The following COPE variants were observed in gnomAD, a reference collection of about 807,000 sequenced individuals.
The protein encoded by COPE is coat protein complex I subunit epsilon, also known as coatomer subunit epsilon.
COPE carries 19 observed loss-of-function variants against 42.1 expected under a neutral mutation model. The ratio of observed to expected loss-of-function variants is 0.45; its 90% confidence interval spans 0.31 to 0.66. The LOEUF is 0.66. Ranked by LOEUF, COPE falls within the 30% of genes least tolerant of loss-of-function variation. The pLI, the probability that COPE is intolerant of heterozygous loss-of-function variation, is 0.05. For missense variants in COPE, 402 were observed against 416.1 expected, an observed-to-expected ratio of 0.97 and a Z score of 0.30; for synonymous variants, 195 against 181.3, an observed-to-expected ratio of 1.08 and a Z score of -0.60.
chr19:18,900,476 G>T, intron 7 of COPE, 27 bp from the exon 8 acceptor site: 1 of 1,534,652 alleles, frequency 6.5e-7, no homozygotes. Context: ...ACACGGGGAG[G>T]CAGGGTCAGC....
intron 6 of COPE, among the ~76,000 whole-genome samples, chr19:18,903,999 CTT>C (rs954828441): frequency 6.6e-6 from 1 of 152,176 alleles, no homozygotes; most frequent in Non-Finnish European, 1.5e-5. Flanking sequence ...GAGTTTCACT[CTT>C]GTTGCTCAGG....
intron 1 of COPE, among the ~76,000 whole-genome samples, chr19:18,916,447 A>G (rs1263713537): frequency 6.6e-6 from 1 of 152,072 alleles, no homozygotes; most frequent in East Asian, 1.9e-4. Flanking sequence ...TGAGGTCAAG[A>G]GTTCGAGATC....
chr19:18,905,425 G>A (rs968326346), intron 5 of COPE, 151 bp downstream of exon 5: 8 of 734,528 alleles, frequency 1.1e-5, no homozygotes, highest in Non-Finnish European at 1.7e-5. Flanking sequence ...ACATACTGCA[G>A]GGAAGGGCTG....
intron 1 of COPE, among the ~76,000 whole-genome samples, chr19:18,913,363 T>C (rs1018226477): frequency 6.6e-6 from 1 of 152,236 alleles, no homozygotes; most frequent in Admixed American, 6.5e-5. Flanking sequence ...ATGGGGCCAC[T>C]GTGGCTTGAT....
intron 7 of COPE, among the ~76,000 whole-genome samples, chr19:18,902,329 T>C (rs907035807): frequency 2.7e-5 from 4 of 150,254 alleles, no homozygotes; most frequent in Admixed American, 2.7e-4. Flanking sequence ...CTTTACAAAA[T>C]ATATATATAT....
chr19:18,915,105 G>T (rs538267067), intron 1 of COPE, among the ~76,000 whole-genome samples: 12 of 152,194 alleles, frequency 7.9e-5, no homozygotes, highest in Non-Finnish European at 1.3e-4. Context: ...CGACTCAGGA[G>T]GTTCATGAAG....
intron 3 of COPE, among the ~76,000 whole-genome samples, chr19:18,909,196 A>G (rs894523631): frequency 4.0e-5 from 6 of 151,884 alleles, no homozygotes; most frequent in African/African-American, 1.5e-4. Flanking sequence ...CCCTGCCTTC[A>G]CTCCAGCTGG....
intron 4 of COPE, 29 bp from the exon 5 acceptor site, chr19:18,905,658 C>T (rs543568707): frequency 8.9e-6 from 14 of 1,579,684 alleles, no homozygotes; most frequent in Middle Eastern, 1.7e-4. Flanking sequence ...GGGCGGTCAG[C>T]GGGTCGCCAC....
chr19:18,900,263 C>T (rs1012241426), intron 8 of COPE, 118 bp downstream of exon 8: 29 of 831,186 alleles, frequency 3.5e-5, no homozygotes, highest in Middle Eastern at 2.3e-4. Context: ...AGGTGGGCTG[C>T]GGTAGGCATA....
At chr19:18,902,883 G>A (rs979115908) in intron 7 of COPE, among the ~76,000 whole-genome samples, 9 of 151,278 alleles carry the variant, frequency 5.9e-5, no homozygotes, top group Non-Finnish European at 1.0e-4. Flanking sequence ...GGCAGGCAGC[G>A]CTCTCTCAAC....
At chr19:18,903,497 CG>C (rs1487059392) in intron 6 of COPE, 74 bp from the exon 7 acceptor site, 20 of 1,498,278 alleles carry the variant, frequency 1.3e-5, no homozygotes, top group Middle Eastern at 1.8e-4. Context: ...CCTCCCCTAG[CG>C]GGGGGGACTC....
Position 18,910,999 on chromosome 19 carries a change from C to T in COPE, c.262G>A (p.Ala88Thr). Residue 88 changes from alanine (A) to threonine (T), a missense_variant, in exon 3 of 10, where the codon GCT becomes ACT. By Grantham distance (58) the Ala-to-Thr change is moderately conservative (BLOSUM62 0). Transcript: ENST00000262812. ...APELQAVRMF[A>T]DYLAHESRRD... The stretch of plus-strand genomic sequence containing the variant: ...CGACTCTCGTGGGCGAGGTAGTCAG[C>T]AAACATGCGCACGGCCTGGAGCTCA... 1 of 1,614,010 alleles carries T rather than the reference C, an allele frequency of 6.2e-7. No individual in the cohort carries two copies. Among genetic ancestry groups the T allele is most frequent in the Non-Finnish European group, 8.5e-7 (1 of 1,180,026 alleles).
chr19:18,900,537 C>T, intron 7 of COPE, 88 bp from the exon 8 acceptor site: 1 of 1,008,676 alleles, frequency 9.9e-7, no homozygotes, highest in African/African-American at 1.6e-5. Context: ...CAGCACCACA[C>T]AAGGTCACCT....
At chr19:18,916,944 C>CAA (rs34497308) in intron 1 of COPE, among the ~76,000 whole-genome samples, 5,765 of 68,552 alleles carry the variant, frequency 0.084, 295 homozygotes, top group African/African-American at 0.11. Flanking sequence ...GATCCTGTCT[C>CAA]AAAAAAAAAA....
chr19:18,905,513 G>A (rs1044887091), intron 5 of COPE, 63 bp downstream of exon 5: 4 of 1,486,664 alleles, frequency 2.7e-6, no homozygotes, highest in Admixed American at 2.1e-5. Context: ...GGGCTGTGAC[G>A]CTCTGGGCTG....
At position 18,899,862 on chromosome 19, in the gene COPE, C is replaced by T. The variant is rs2056679412; in HGVS notation, c.879+11G>A. The T allele has an allele frequency of 1.9e-6, 3 of 1,612,790 alleles. No homozygotes were observed. The highest frequency in any genetic ancestry group is 2.7e-5 in the African/African-American group (2 of 74,920). On this transcript the variant is annotated intron_variant, in intron 9 of 9. Coordinates refer to ENST00000262812, the MANE Select transcript of COPE (RefSeq NM_007263.4). ...CCTGGTTCTCGGGGACAGGCCATCCCCACCACTCACCTTGGCCTGGTACTC... is the reference window on the plus strand; with the variant it reads ...CCTGGTTCTCGGGGACAGGCCATCCTCACCACTCACCTTGGCCTGGTACTC...
intron 3 of COPE, 34 bp downstream of exon 3, chr19:18,910,937 G>C (rs375855893): frequency 1.3e-6 from 2 of 1,591,594 alleles, no homozygotes; most frequent in Admixed American, 3.3e-5. Flanking sequence ...AGATGGCCCC[G>C]CGCCTCAGGC....
chr19:18,912,867 G>A, intron 2 of COPE, 117 bp downstream of exon 2: 2 of 955,822 alleles, frequency 2.1e-6, no homozygotes, highest in South Asian at 2.9e-5. Context: ...AACACTGCAG[G>A]CCTGGGTCCC....
rs575002730 is a variant in COPE, at chr19:18,901,918, C to T, written c.735+1350G>A. 1.8e-4 allele frequency among the ~76,000 whole-genome samples: 28 copies of T among 152,308 alleles called. No individual in the cohort carries two copies. The East Asian group carries it at 2.3e-3, about 13-fold the overall frequency. On this transcript the variant is annotated intron_variant, in intron 7 of 9. Coordinates refer to ENST00000262812, the MANE Select transcript of COPE (RefSeq NM_007263.4). ...AATCCAGGCTGGGCACAGTGGCTCA[C>T]GCCTGTAATCCAGTACTTTGGGAGT...
Sources: allele counts gnomAD v4.1 joint callset (sites outside exome capture counted in the v4.1 genomes callset), GRCh38; gene constraint gnomAD v4.1.1; transcripts MANE v1.5; gene names NCBI Gene and HGNC (gene_info 2026-07-23, HGNC 2026-07-21).